Variants in PHKB observed in about 807,000 individuals in gnomAD.
PHKB encodes phosphorylase b kinase regulatory subunit beta.
A neutral mutation model predicts 152.1 loss-of-function variants in PHKB; 122 were observed. The observed-to-expected ratio is 0.80, with a 90% confidence interval of 0.69 to 0.93. The LOEUF (loss-of-function observed/expected upper bound fraction) is 0.93. PHKB is among the 40% of genes least tolerant of loss of function. The pLI is 0.00. For synonymous variants in PHKB, 436 were observed against 464.9 expected (o/e 0.94, Z 0.80); for missense variants, 1,304 against 1,328.4 (o/e 0.98, Z 0.29).
chr16:47,461,497 G>A, intron 1 of PHKB, 71 bp downstream of exon 1: 1 of 1,493,006 alleles, frequency 6.7e-7, no homozygotes, highest in Non-Finnish European at 9.3e-7. Flanking sequence ...CGCCTTGGCG[G>A]GAGGCAGGTG....
intron 6 of PHKB, among the ~76,000 whole-genome samples, chr16:47,528,552 AT>A (rs980356577): frequency 4.6e-4 from 69 of 148,656 alleles, no homozygotes; most frequent in African/African-American, 9.6e-4. Context: ...ACCAGGCTCA[AT>A]TTTTTTTTTT....
chr16:47,628,393 G>T (rs895399347), intron 14 of PHKB, among the ~76,000 whole-genome samples: 3 of 152,160 alleles, frequency 2.0e-5, no homozygotes, highest in African/African-American at 4.8e-5. Context: ...TTAGCCAGGC[G>T]TGGTGGCAGG....
chr16:47,470,711 C>T (rs1186686729), intron 1 of PHKB, among the ~76,000 whole-genome samples: 2 of 152,234 alleles, frequency 1.3e-5, no homozygotes, highest in Non-Finnish European at 2.9e-5. Context: ...TTCTCTTCAT[C>T]TATAGTGCCT....
chr16:47,646,961 A>C (rs1041271176), intron 16 of PHKB, among the ~76,000 whole-genome samples: 1 of 152,160 alleles, frequency 6.6e-6, no homozygotes, highest in East Asian at 1.9e-4. Context: ...TTAAGTGCTC[A>C]GCTCTGACAT....
chr16:47,634,639 G>A (rs570982690), intron 14 of PHKB, among the ~76,000 whole-genome samples: 8 of 152,306 alleles, frequency 5.3e-5, no homozygotes, highest in African/African-American at 1.9e-4. Flanking sequence ...GTTGAGACCT[G>A]TATGACCAGA....
chr16:47,508,789 C>T (rs971091450), intron 4 of PHKB, among the ~76,000 whole-genome samples: 1 of 152,148 alleles, frequency 6.6e-6, no homozygotes, highest in African/African-American at 2.4e-5. Flanking sequence ...TTGTTTTTGA[C>T]TGCTTTCAAG....
chr16:47,683,040 C>G (rs368113553), intron 26 of PHKB, among the ~76,000 whole-genome samples: 2 of 152,226 alleles, frequency 1.3e-5, no homozygotes, highest in Non-Finnish European at 2.9e-5. Flanking sequence ...TCCAGACCCT[C>G]TTTGCCTGGG....
At chr16:47,592,810 A>T (rs1785245343) in intron 10 of PHKB, among the ~76,000 whole-genome samples, 1 of 152,234 alleles carries the variant, frequency 6.6e-6, no homozygotes, top group South Asian at 2.1e-4. Flanking sequence ...TGATGGACTG[A>T]ATGAGTGAGC....
chr16:47,565,595 C>A, intron 7 of PHKB: 2 of 1,060,540 alleles, frequency 1.9e-6, no homozygotes, highest in Admixed American at 3.4e-5. Flanking sequence ...TTCTCACTCT[C>A]CCTCGTGCAT....
chr16:47,571,473 C>T (rs769450929), intron 7 of PHKB, among the ~76,000 whole-genome samples: 18 of 152,194 alleles, frequency 1.2e-4, no homozygotes, highest in East Asian at 3.9e-4. Flanking sequence ...ACCTCCCTGT[C>T]GTTCCCCCTC....
chr16:47,679,746 T>G (rs1271163496), intron 26 of PHKB, among the ~76,000 whole-genome samples: 1 of 152,212 alleles, frequency 6.6e-6, no homozygotes, highest in Non-Finnish European at 1.5e-5. Context: ...CTTTTCCTAA[T>G]TGAATACCCT....
intron 6 of PHKB, among the ~76,000 whole-genome samples, chr16:47,545,340 C>A (rs897842998): frequency 2.0e-5 from 3 of 152,098 alleles, no homozygotes; most frequent in African/African-American, 7.2e-5. Context: ...TTTATTTCTC[C>A]TTCACTTATG....
chr16:47,470,726 C>T (rs1969751565), intron 1 of PHKB, among the ~76,000 whole-genome samples: 1 of 152,210 alleles, frequency 6.6e-6, no homozygotes, highest in Admixed American at 6.5e-5. Context: ...GTGCCTAGTA[C>T]TCCATAAATA....
chr16:47,690,521 T>C (rs1040898881), intron 27 of PHKB, among the ~76,000 whole-genome samples: 1 of 151,970 alleles, frequency 6.6e-6, no homozygotes, highest in Non-Finnish European at 1.5e-5. Flanking sequence ...AACCAAGAAT[T>C]CTTAAAAATT....
intron 7 of PHKB, 61 bp from the exon 8 acceptor site, chr16:47,580,234 A>G: frequency 8.1e-7 from 1 of 1,229,646 alleles, no homozygotes; most frequent in Non-Finnish European, 1.2e-6. Context: ...TCATCAGATA[A>G]TGGTTCTGAT....
intron 6 of PHKB, among the ~76,000 whole-genome samples, chr16:47,516,550 A>G (rs549220962): frequency 1.3e-5 from 2 of 152,286 alleles, no homozygotes; most frequent in East Asian, 1.9e-4. Flanking sequence ...GAAAGGGTAG[A>G]TGTACTATAT....
At chr16:47,532,953 T>C (rs1970887423) in intron 6 of PHKB, among the ~76,000 whole-genome samples, 1 of 152,160 alleles carries the variant, frequency 6.6e-6, no homozygotes, top group African/African-American at 2.4e-5. Context: ...TGGAACAACT[T>C]AGAGGAGACC....
intron 6 of PHKB, among the ~76,000 whole-genome samples, chr16:47,535,478 A>G (rs879552884): frequency 2.0e-5 from 3 of 152,214 alleles, no homozygotes; most frequent in Non-Finnish European, 4.4e-5. Flanking sequence ...TTAGGAGCCT[A>G]TCCCTCAGAA....
chr16:47,582,519 C>G (rs1359367926), intron 8 of PHKB, among the ~76,000 whole-genome samples: 1 of 152,122 alleles, frequency 6.6e-6, no homozygotes, highest in East Asian at 1.9e-4. Flanking sequence ...GCATTGGAAT[C>G]ATTTGAGGAA....
Sources: gnomAD v4.1 joint callset for allele counts (sites outside exome capture counted in the v4.1 genomes callset) on GRCh38, gnomAD v4.1.1 for gene constraint, MANE v1.5 for transcripts, NCBI Gene and HGNC (gene_info 2026-07-23, HGNC 2026-07-21) for gene names.